DOCK3: variants seen among roughly 807,000 people sequenced by gnomAD.
DOCK3 encodes the protein dedicator of cytokinesis protein 3.
DOCK3 carries 60 observed loss-of-function variants against 265.6 expected under a neutral mutation model. The observed-to-expected ratio is 0.23, with a 90% CI of 0.18 to 0.28. The LOEUF (loss-of-function observed/expected upper bound fraction) is 0.28. DOCK3 is among the 10% of genes least tolerant of loss of function. DOCK3 has a pLI of 1.00. For synonymous variants in DOCK3, 881 were observed against 938.0 expected, an observed-to-expected ratio of 0.94 and a Z score of 1.11; for missense variants, 1,981 against 2,594.3, an observed-to-expected ratio of 0.76 and a Z score of 5.14.
chr3:50,877,185 CT>C, intron 3 of DOCK3: 1 of 323,292 alleles, frequency 3.1e-6, no homozygotes, highest in Non-Finnish European at 6.1e-6. Flanking sequence ...TACTGAGCTC[CT>C]GAATGTCATC....
At chr3:50,950,696 TG>T (rs2108310266) in intron 5 of DOCK3, among the ~76,000 whole-genome samples, 1 of 152,238 alleles carries the variant, frequency 6.6e-6, no homozygotes, top group South Asian at 2.1e-4. Context: ...TACCTCCTGC[TG>T]CCTAGCTTTT....
chr3:50,906,328 A>G (rs2107862213), intron 4 of DOCK3, among the ~76,000 whole-genome samples: 1 of 152,178 alleles, frequency 6.6e-6, no homozygotes, highest in South Asian at 2.1e-4. Context: ...GAATAGTTTT[A>G]GAAGGAATGC....
intron 51 of DOCK3, among the ~76,000 whole-genome samples, chr3:51,378,331 T>G (rs557842463): frequency 4.6e-4 from 70 of 152,326 alleles, no homozygotes; most frequent in African/African-American, 1.4e-3. Context: ...AAGAGGATGA[T>G]GGATGTCACA....
intron 3 of DOCK3, among the ~76,000 whole-genome samples, chr3:50,859,159 C>T (rs1278603294): frequency 6.7e-6 from 1 of 148,640 alleles, no homozygotes; most frequent in Non-Finnish European, 1.5e-5. Flanking sequence ...CTATTTCTGT[C>T]ATTCCGGCTA....
chr3:51,233,386 G>C (rs1266398286), intron 19 of DOCK3, among the ~76,000 whole-genome samples: 1 of 148,900 alleles, frequency 6.7e-6, no homozygotes, highest in Admixed American at 6.7e-5. Flanking sequence ...ATTTATTTGA[G>C]ATGGAGTCTT....
intron 9 of DOCK3, among the ~76,000 whole-genome samples, chr3:51,144,914 G>A (rs957819203): frequency 2.6e-5 from 4 of 152,142 alleles, no homozygotes; most frequent in African/African-American, 9.7e-5. Flanking sequence ...TCTTCACCAT[G>A]GCACAGTTTT....
intron 9 of DOCK3, among the ~76,000 whole-genome samples, chr3:51,127,272 A>G (rs2084306804): frequency 6.6e-6 from 1 of 152,100 alleles, no homozygotes; most frequent in African/African-American, 2.4e-5. Flanking sequence ...CTCCTTTGGC[A>G]GCACCCTCAC....
intron 38 of DOCK3, among the ~76,000 whole-genome samples, chr3:51,341,833 A>C (rs1226874490): frequency 2.6e-5 from 4 of 152,178 alleles, no homozygotes; most frequent in Non-Finnish European, 5.9e-5. Context: ...CTTTTCTTAG[A>C]TTTCCCTTCT....
chr3:50,906,307 T>C (rs546917302), intron 4 of DOCK3, among the ~76,000 whole-genome samples: 2 of 152,238 alleles, frequency 1.3e-5, no homozygotes, highest in East Asian at 3.9e-4. Context: ...TCTGTCTTTT[T>C]CTATTGATTG....
At chr3:51,320,948 A>T (rs1467859407) in intron 32 of DOCK3, among the ~76,000 whole-genome samples, 1 of 152,162 alleles carries the variant, frequency 6.6e-6, no homozygotes, top group African/African-American at 2.4e-5. Flanking sequence ...GAGAGCAGCG[A>T]ATCTCCCACC....
intron 1 of DOCK3, among the ~76,000 whole-genome samples, chr3:50,769,320 A>G (rs935819747): frequency 2.0e-5 from 3 of 152,162 alleles, no homozygotes; most frequent in African/African-American, 4.8e-5. Context: ...ATTCAATAAT[A>G]TTCAATATCC....
At chr3:51,294,958 C>A (rs947461811) in intron 27 of DOCK3, among the ~76,000 whole-genome samples, 25 of 152,130 alleles carry the variant, frequency 1.6e-4, no homozygotes, top group African/African-American at 5.3e-4. Flanking sequence ...CCAATTTGTT[C>A]ATTCCACAAT....
intron 3 of DOCK3, among the ~76,000 whole-genome samples, chr3:50,869,420 G>A (rs1179162554): frequency 9.4e-6 from 1 of 106,778 alleles, no homozygotes; most frequent in Non-Finnish European, 1.7e-5. Context: ...CACTCAGGCT[G>A]GAGTCAGTGG....
In DOCK3 at chr3:51,339,007, T is replaced by C. The variant is rs1424037405; in HGVS notation, c.3745T>C (p.Leu1249=). ...RYIHKLCDMH[L]QAENYTEAAF... is the part of the protein sequence containing the mutation. ...CATCCATAAGCTTTGTGACATGCAC[T>C]TGCAGGCCGAAAACTACACAGGTAA... Residue 1249 remains leucine, a synonymous_variant, in exon 37 of 53, where the codon TTG becomes CTG. Transcript: ENST00000266037. 6.2e-7 allele frequency: 1 copy of C among 1,601,984 alleles called. No homozygotes were observed. Among genetic ancestry groups the C allele is most frequent in the Non-Finnish European group, 8.5e-7 (1 of 1,174,284 alleles).
chr3:50,998,126 TACAA>T (rs1303971071), intron 5 of DOCK3, among the ~76,000 whole-genome samples: 1 of 152,222 alleles, frequency 6.6e-6, no homozygotes, highest in Non-Finnish European at 1.5e-5. Context: ...AACCACATTT[TACAA>T]ACAAAGGAAC....
At chr3:50,873,474 G>C (rs560119833) in intron 3 of DOCK3, among the ~76,000 whole-genome samples, 3 of 152,244 alleles carry the variant, frequency 2.0e-5, no homozygotes, top group Non-Finnish European at 2.9e-5. Context: ...AGAAGGAAGG[G>C]GTCTGTTGGA....
At chr3:51,263,445 G>A (rs184338025) in intron 23 of DOCK3, among the ~76,000 whole-genome samples, 130 of 152,220 alleles carry the variant, frequency 8.5e-4, no homozygotes, top group African/African-American at 2.9e-3. Flanking sequence ...AGGAAAAACC[G>A]GTACCAGCCA....
At chr3:50,869,699 T>G (rs2047345016) in intron 3 of DOCK3, among the ~76,000 whole-genome samples, 1 of 44,462 alleles carries the variant, frequency 2.2e-5, no homozygotes, top group Admixed American at 2.5e-4. Context: ...CTTCTACTGA[T>G]TTTGGGTTTG....
At chr3:50,735,157 G>T (rs2038505648) in intron 1 of DOCK3, among the ~76,000 whole-genome samples, 1 of 152,018 alleles carries the variant, frequency 6.6e-6, no homozygotes, top group Non-Finnish European at 1.5e-5. Flanking sequence ...GGTCTGCAAG[G>T]TGTCTGCTGA....
Sources: allele counts gnomAD v4.1 joint callset (sites outside exome capture counted in the v4.1 genomes callset), GRCh38; gene constraint gnomAD v4.1.1; transcripts MANE v1.5; gene names NCBI Gene and HGNC (gene_info 2026-07-23, HGNC 2026-07-21).